Variants in SLC47A2 observed in about 807,000 individuals in gnomAD.
The protein encoded by SLC47A2 is solute carrier family 47 member 2.
In SLC47A2, 52 loss-of-function variants were observed where a neutral mutation model predicts 67.7. The ratio of observed to expected loss-of-function variants is 0.77; its 90% CI spans 0.61 to 0.97. The LOEUF (loss-of-function observed/expected upper bound fraction) is 0.97, where lower values mean the gene tolerates loss of function less well. SLC47A2 is among the 50% of genes least tolerant of loss of function. The probability of loss-of-function intolerance (pLI) is 0.00; values close to 1 mark genes in which losing one functional copy is unlikely to be tolerated. For synonymous variants in SLC47A2, 278 were observed against 292.9 expected, an observed-to-expected ratio of 0.95 and a Z score of 0.52; for missense variants, 676 against 712.3, an observed-to-expected ratio of 0.95 and a Z score of 0.58.
Position 19,678,891 on chromosome 17 carries a change from G to T in SLC47A2, c.1496C>A (p.Ser499Tyr). 6.3e-7 allele frequency: 1 copy of T among 1,577,226 alleles called. No individual in the cohort carries two copies. The highest frequency in any genetic ancestry group is 1.1e-5 in the South Asian group (1 of 87,484). ...AVLSSVATGS[S>Y]PGITLTTYSR... ...ATACGTTGTCAAGGTAATGCCAGGGGAACTGCCTGTAGCCACTGCGGAAGC... is the reference window on the plus strand; with the variant it reads ...ATACGTTGTCAAGGTAATGCCAGGGTAACTGCCTGTAGCCACTGCGGAAGC... Residue 499 changes from serine to tyrosine, a missense_variant, in exon 17 of 17, where the codon TCC becomes TAC. Coordinates refer to ENST00000433844, the MANE Select transcript of SLC47A2 (RefSeq NM_001099646.3).
intron 10 of SLC47A2, chr17:19,704,545 A>G: frequency 8.5e-7 from 1 of 1,172,544 alleles, no homozygotes; most frequent in Non-Finnish European, 1.2e-6. Context: ...AAGATATTTC[A>G]GCAGAAACCA....
intron 13 of SLC47A2, among the ~76,000 whole-genome samples, chr17:19,696,139 T>C (rs541457805): frequency 1.0e-3 from 155 of 151,928 alleles, no homozygotes; most frequent in African/African-American, 3.6e-3. Flanking sequence ...TAATCCAATA[T>C]GACTGGTGTC....
upstream of SLC47A2, chr17:19,716,742 G>A: frequency 3.5e-6 from 3 of 864,912 alleles, no homozygotes; most frequent in South Asian, 6.2e-5. Flanking sequence ...AGTCCCTGCT[G>A]CCAAGCCTAC....
chr17:19,693,636 A>AATAAT (rs369071456), intron 13 of SLC47A2, among the ~76,000 whole-genome samples: 1 of 116,996 alleles, frequency 8.5e-6, no homozygotes, highest in Admixed American at 9.3e-5. Flanking sequence ...TAATAATAAT[A>AATAAT]AATAAATAAA....
At chr17:19,682,459 A>G (rs776625096) in intron 13 of SLC47A2, among the ~76,000 whole-genome samples, 1 of 152,164 alleles carries the variant, frequency 6.6e-6, no homozygotes, top group Non-Finnish European at 1.5e-5. Flanking sequence ...TGAAGGCCCT[A>G]GTTGAGAATG....
chr17:19,705,423 G>C lies in SLC47A2; in HGVS notation c.909+13C>G, dbSNP rs1300922213. On this transcript the variant is annotated intron_variant, in intron 10 of 16. Transcript: ENST00000433844. ...TGGGGGATGTGGGGAAGGCACCCCT[G>C]CAGGAGCCTTACCATGTAGGTCACA... 1.9e-6 allele frequency: 3 copies of C among 1,607,334 alleles called. No individual in the cohort carries two copies. In the South Asian group the frequency reaches 3.3e-5, roughly 18 times the overall value.
At chr17:19,679,844 T>C in intron 16 of SLC47A2, 108 bp downstream of exon 16, 3 of 1,071,208 alleles carry the variant, frequency 2.8e-6, no homozygotes, top group Non-Finnish European at 4.0e-6. Flanking sequence ...GAAAAATAGC[T>C]TGGGCTTGTA....
intron 13 of SLC47A2, chr17:19,702,095 C>A (rs1009529248): frequency 2.0e-6 from 2 of 977,488 alleles, no homozygotes; most frequent in Non-Finnish European, 2.4e-6. Flanking sequence ...GGTGACAAAG[C>A]GAGACCCTGT....
rs537963450 is a variant in SLC47A2 at position 19,706,046 on chromosome 17, G to A, written c.842-543C>T. Among the ~76,000 whole-genome samples the A allele has an allele frequency of 3.9e-5, 6 of 152,348 alleles. No individual in the cohort carries two copies. In the East Asian group the frequency reaches 9.6e-4, roughly 24 times the overall value. On this transcript the variant is annotated intron_variant, in intron 9 of 16. Coordinates refer to ENST00000433844, the MANE Select transcript of SLC47A2 (RefSeq NM_001099646.3). ...CTTTCCAGATGAACTCAGGGTGGCA[G>A]TGTGAGGGAGGGGACAGAGAACAGG...
At chr17:19,686,711 T>C (rs1388883171) in intron 13 of SLC47A2, among the ~76,000 whole-genome samples, 3 of 152,190 alleles carry the variant, frequency 2.0e-5, no homozygotes, top group East Asian at 3.8e-4. Context: ...GGTCATTGTA[T>C]AACGATAAAG....
At chr17:19,716,369 G>A in intron 1 of SLC47A2, 64 bp downstream of exon 1, 1 of 1,530,234 alleles carries the variant, frequency 6.5e-7, no homozygotes, top group Non-Finnish European at 8.8e-7. Context: ...TGCCTGCAAG[G>A]CAGACACCCT....
At chr17:19,695,097 C>T (rs2085630426) in intron 13 of SLC47A2, among the ~76,000 whole-genome samples, 1 of 151,918 alleles carries the variant, frequency 6.6e-6, no homozygotes, top group African/African-American at 2.4e-5. Context: ...AAAGTGAAAA[C>T]TTTTGCAACT....
intron 13 of SLC47A2, among the ~76,000 whole-genome samples, chr17:19,682,549 C>T (rs2085340044): frequency 6.6e-6 from 1 of 152,180 alleles, no homozygotes; most frequent in Admixed American, 6.5e-5. Context: ...CCTCTGCTTC[C>T]AGCCTCACAT....
chr17:19,692,215 G>T, intron 13 of SLC47A2: 1 of 397,694 alleles, frequency 2.5e-6, no homozygotes, highest in South Asian at 1.8e-5. Flanking sequence ...GCAACAGAGC[G>T]AGACTCCATG....
intron 13 of SLC47A2, among the ~76,000 whole-genome samples, chr17:19,695,511 ACAGC>A (rs1475773757): frequency 2.4e-5 from 3 of 126,972 alleles, no homozygotes; most frequent in Admixed American, 8.0e-5. Flanking sequence ...AAAAAAAAAA[ACAGC>A]AAAAAAAAAA....
chr17:19,704,661 C>T (rs2085879354), intron 10 of SLC47A2: 8 of 1,549,582 alleles, frequency 5.2e-6, no homozygotes, highest in Admixed American at 2.0e-5. Flanking sequence ...ACCCGAGTGA[C>T]ATGGGCTGCA....
In SLC47A2 at chr17:19,705,453, C is replaced by A. The variant is rs749075608; in HGVS notation, c.892G>T (p.Ala298Ser). ...AGCCTTACCATGTAGGTCACAGTGG[C>A]CACCTCGTAGATGACAGCCTGGGCA... The part of the protein sequence containing the change: ...LSAQAVIYEV[A>S]TVTYMIPLGL... Residue 298 changes from alanine to serine, a missense_variant, in exon 10 of 17, where the codon GCC becomes TCC. Coordinates refer to ENST00000433844, the MANE Select transcript of SLC47A2 (RefSeq NM_001099646.3). 3 of 1,612,370 alleles carry A rather than the reference C, an allele frequency of 1.9e-6. No homozygotes were observed. The South Asian group carries it at 3.3e-5, about 18-fold the overall frequency.
chr17:19,704,679 G>A, intron 10 of SLC47A2: 1 of 1,550,226 alleles, frequency 6.5e-7, no homozygotes, highest in Admixed American at 2.0e-5. Context: ...GCATAAGCAA[G>A]ACGATGGCTG....
chr17:19,713,678 G>T, intron 4 of SLC47A2, 147 bp downstream of exon 4: 1 of 1,133,320 alleles, frequency 8.8e-7, no homozygotes, highest in Non-Finnish European at 1.2e-6. Flanking sequence ...CCAAACCAAA[G>T]CCTGGAAGGT....
Sources: allele counts gnomAD v4.1 joint callset (sites outside exome capture counted in the v4.1 genomes callset), GRCh38; gene constraint gnomAD v4.1.1; transcripts MANE v1.5; gene names NCBI Gene and HGNC (gene_info 2026-07-23, HGNC 2026-07-21).